STRN3: variants seen among roughly 807,000 people sequenced by gnomAD.
The protein encoded by STRN3 is striatin-3.
A neutral mutation model predicts 95.6 loss-of-function variants in STRN3; 29 were observed. That is an observed-to-expected ratio of 0.30 (90% confidence interval 0.23 to 0.41). The LOEUF (loss-of-function observed/expected upper bound fraction) is 0.41. Ranked by LOEUF, STRN3 falls within the 10% of genes least tolerant of loss-of-function variation. STRN3 has a pLI of 1.00. For synonymous variants in STRN3, 331 were observed against 357.6 expected, an observed-to-expected ratio of 0.93 and a Z score of 0.84; for missense variants, 890 against 972.1, an observed-to-expected ratio of 0.92 and a Z score of 1.12.
At chr14:30,986,023 A>T (rs1233802457) in intron 1 of STRN3, among the ~76,000 whole-genome samples, 1 of 152,190 alleles carries the variant, frequency 6.6e-6, no homozygotes, top group African/African-American at 2.4e-5. Context: ...CTTAACCACA[A>T]GATGGGAAAC....
intron 8 of STRN3, among the ~76,000 whole-genome samples, chr14:30,922,185 A>T (rs1896901916): frequency 6.6e-6 from 1 of 152,040 alleles, no homozygotes; most frequent in Non-Finnish European, 1.5e-5. Flanking sequence ...TACCACACTC[A>T]GCTAATTTTT....
intron 4 of STRN3, among the ~76,000 whole-genome samples, chr14:30,947,536 A>ATT (rs922933936): frequency 6.6e-6 from 1 of 152,042 alleles, no homozygotes; most frequent in Admixed American, 6.6e-5. Context: ...TGCTTTTAGG[A>ATT]TTATATACAC....
chr14:30,955,530 T>C, intron 3 of STRN3, 90 bp downstream of exon 3: 1 of 1,098,840 alleles, frequency 9.1e-7, no homozygotes, highest in Non-Finnish European at 1.3e-6. Flanking sequence ...TTCTCTAATA[T>C]TATCAAACCA....
intron 7 of STRN3, among the ~76,000 whole-genome samples, chr14:30,929,966 A>C (rs59766827): frequency 0.034 from 3,715 of 108,312 alleles, 199 homozygotes; most frequent in South Asian, 0.055. Flanking sequence ...AAAAAAAAAA[A>C]AAAAAAAAAA....
At chr14:31,001,517 G>A (rs1174856450) in intron 1 of STRN3, among the ~76,000 whole-genome samples, 1 of 151,828 alleles carries the variant, frequency 6.6e-6, no homozygotes, top group Non-Finnish European at 1.5e-5. Flanking sequence ...ACTCCAGCCT[G>A]GGCAACAGAG....
chr14:30,927,740 A>G (rs1308737963), intron 8 of STRN3, among the ~76,000 whole-genome samples: 2 of 152,062 alleles, frequency 1.3e-5, no homozygotes, highest in East Asian at 3.9e-4. Flanking sequence ...CATCCTGGCT[A>G]ACGCAGTAAA....
chr14:30,935,042 C>T, intron 7 of STRN3, 121 bp downstream of exon 7: 3 of 1,308,874 alleles, frequency 2.3e-6, no homozygotes, highest in Non-Finnish European at 3.1e-6. Flanking sequence ...AAACCACTTC[C>T]CCTTGCTCTC....
At chr14:30,944,436 C>A (rs17097598) in intron 5 of STRN3, among the ~76,000 whole-genome samples, 1 of 149,584 alleles carries the variant, frequency 6.7e-6, no homozygotes, top group Non-Finnish European at 1.5e-5. Flanking sequence ...TTAAACCTTA[C>A]AGAAAAAAAT....
chr14:30,925,426 T>C (rs1897003701), intron 8 of STRN3, among the ~76,000 whole-genome samples: 1 of 152,178 alleles, frequency 6.6e-6, no homozygotes, highest in African/African-American at 2.4e-5. Flanking sequence ...CTGGATTACA[T>C]CTGCTGATTC....
intron 1 of STRN3, among the ~76,000 whole-genome samples, chr14:30,982,533 C>A (rs1881462640): frequency 6.6e-6 from 1 of 152,224 alleles, no homozygotes; most frequent in Non-Finnish European, 1.5e-5. Context: ...TGGTGCCGAA[C>A]TCTTGGCCTC....
chr14:30,967,304 G>C (rs1041955254), intron 1 of STRN3, among the ~76,000 whole-genome samples: 3 of 151,188 alleles, frequency 2.0e-5, no homozygotes, highest in Non-Finnish European at 4.4e-5. Context: ...GAGAGGCGGT[G>C]GTGGGGAAAG....
chr14:31,025,847 C>A, intron 1 of STRN3, 57 bp downstream of exon 1: 1 of 1,555,608 alleles, frequency 6.4e-7, no homozygotes. Context: ...CCCAGCCCCA[C>A]CCCCCGGCCG....
intron 1 of STRN3, among the ~76,000 whole-genome samples, chr14:30,997,270 T>A (rs970421716): frequency 6.6e-6 from 1 of 152,158 alleles, no homozygotes; most frequent in African/African-American, 2.4e-5. Flanking sequence ...GTATGTAGGC[T>A]GCCCCTCCCA....
At chr14:30,920,626 A>T (rs1896855379) in intron 8 of STRN3, among the ~76,000 whole-genome samples, 1 of 152,148 alleles carries the variant, frequency 6.6e-6, no homozygotes, top group Non-Finnish European at 1.5e-5. Flanking sequence ...CCTTTAAAGT[A>T]TTCTCCAAGT....
intron 12 of STRN3, 60 bp from the exon 13 acceptor site, chr14:30,911,222 T>C: frequency 6.5e-7 from 1 of 1,528,906 alleles, no homozygotes; most frequent in Admixed American, 2.0e-5. Context: ...AACTCAAATC[T>C]CCATTCCCCC....
chr14:31,002,511 C>CG (rs1173578276), intron 1 of STRN3, among the ~76,000 whole-genome samples: 3 of 148,248 alleles, frequency 2.0e-5, no homozygotes, highest in African/African-American at 5.0e-5. Context: ...GTCACAGTGG[C>CG]GGGCGCCTGT....
intron 5 of STRN3, among the ~76,000 whole-genome samples, chr14:30,946,001 G>A (rs779980181): frequency 2.0e-5 from 3 of 152,166 alleles, no homozygotes; most frequent in Admixed American, 6.5e-5. Context: ...TTTATGATAT[G>A]TAAATTCTAT....
chr14:30,967,007 G>A (rs1033550199), intron 1 of STRN3, among the ~76,000 whole-genome samples: 1 of 151,546 alleles, frequency 6.6e-6, no homozygotes, highest in Non-Finnish European at 1.5e-5. Context: ...GAGCCTTCCG[G>A]GACAGGCAAG....
intron 9 of STRN3, among the ~76,000 whole-genome samples, chr14:30,918,060 T>G (rs1896784731): frequency 6.6e-6 from 1 of 152,312 alleles, no homozygotes; most frequent in East Asian, 1.9e-4. Flanking sequence ...AAGTAGTACT[T>G]TCATTTCCTA....
Sources: gnomAD v4.1 joint callset for allele counts (sites outside exome capture counted in the v4.1 genomes callset) on GRCh38, gnomAD v4.1.1 for gene constraint, MANE v1.5 for transcripts, NCBI Gene and HGNC (gene_info 2026-07-23, HGNC 2026-07-21) for gene names.